PPTC7: variants seen among roughly 807,000 people sequenced by gnomAD.
The protein encoded by PPTC7 is protein phosphatase PTC7 homolog.
In PPTC7, 6 loss-of-function variants were observed where a neutral mutation model predicts 30.8. The ratio of observed to expected loss-of-function variants is 0.19; its 90% CI spans 0.11 to 0.38. PPTC7 has a LOEUF of 0.38. PPTC7 is among the 10% of genes least tolerant of loss of function. PPTC7 has a pLI of 1.00. For missense variants in PPTC7, 218 were observed against 404.8 expected, an observed-to-expected ratio of 0.54 and a Z score of 3.96; for synonymous variants, 163 against 168.1, an observed-to-expected ratio of 0.97 and a Z score of 0.23.
In PPTC7 at chr12:110,534,424, AT is replaced by A. The variant is rs1256461895; in HGVS notation, c.*2612del. On this transcript the variant is annotated 3_prime_UTR_variant, in exon 6 of 6. Transcript: ENST00000354300. ...TGTGTGTGTGTGTGTGTTGCTTAAA[AT>A]ATAATTAACACACACATCAGGTTCA... The A allele has an allele frequency of 6.6e-6, 1 of 151,976 alleles. No individual in the cohort carries two copies. The highest frequency in any genetic ancestry group is 1.5e-5 in the Non-Finnish European group (1 of 67,978). 9.4% of individuals were successfully genotyped at this position (151,976 alleles called of 1,614,324 possible).
intron 1 of PPTC7, among the ~76,000 whole-genome samples, chr12:110,572,938 G>A (rs947664626): frequency 6.6e-6 from 1 of 152,086 alleles, no homozygotes; most frequent in Non-Finnish European, 1.5e-5. Flanking sequence ...GGAGTGCAGT[G>A]GCATGATCTC....
chr12:110,542,280 G>A (rs543462342), intron 3 of PPTC7, among the ~76,000 whole-genome samples: 53 of 151,884 alleles, frequency 3.5e-4, no homozygotes, highest in African/African-American at 1.1e-3. Context: ...ACGGTGTGTC[G>A]TATGTGCAAC....
At chr12:110,545,807 C>T in intron 3 of PPTC7, 73 bp downstream of exon 3, 1 of 1,385,660 alleles carries the variant, frequency 7.2e-7, no homozygotes, top group Non-Finnish European at 1.0e-6. Context: ...CCTCACTGCA[C>T]TCAAGGGGGA....
chr12:110,569,552 C>T (rs1306445174), intron 1 of PPTC7, among the ~76,000 whole-genome samples: 1 of 152,004 alleles, frequency 6.6e-6, no homozygotes, highest in African/African-American at 2.4e-5. Flanking sequence ...GTCCCTTTCT[C>T]GGATCCAAGA....
chr12:110,539,534 A>C (rs925383792), intron 4 of PPTC7, among the ~76,000 whole-genome samples: 4 of 152,322 alleles, frequency 2.6e-5, no homozygotes, highest in Admixed American at 2.0e-4. Context: ...GAAGAATAAA[A>C]GGAGAAACAA....
chr12:110,544,364 A>C (rs563877225), intron 3 of PPTC7, among the ~76,000 whole-genome samples: 107 of 152,312 alleles, frequency 7.0e-4, no homozygotes, highest in Non-Finnish European at 1.3e-3. Context: ...TACTTGCTAG[A>C]ATGCTTCTAT....
intron 1 of PPTC7, among the ~76,000 whole-genome samples, chr12:110,568,460 G>C (rs1243124712): frequency 6.6e-6 from 1 of 152,030 alleles, no homozygotes; most frequent in African/African-American, 2.4e-5. Context: ...CACCATGTTA[G>C]CCAGGATGGT....
chr12:110,559,731 A>T (rs1444676685), intron 1 of PPTC7, among the ~76,000 whole-genome samples: 1 of 131,754 alleles, frequency 7.6e-6, no homozygotes, highest in Admixed American at 7.6e-5. Flanking sequence ...GCCTCAGGGG[A>T]AAAAAAAAAA....
At chr12:110,578,802 G>A (rs1363725640) in intron 1 of PPTC7, among the ~76,000 whole-genome samples, 1 of 152,148 alleles carries the variant, frequency 6.6e-6, no homozygotes, top group Non-Finnish European at 1.5e-5. Flanking sequence ...TGTAATTCAG[G>A]TTGTAACTCC....
chr12:110,564,228 G>A (rs2064461564), intron 1 of PPTC7, among the ~76,000 whole-genome samples: 1 of 152,166 alleles, frequency 6.6e-6, no homozygotes, highest in Non-Finnish European at 1.5e-5. Context: ...CAAATCATCT[G>A]GGAGGTCATA....
Position 110,534,708 on chromosome 12 carries a change from C to G in PPTC7, c.*2329G>C, listed in dbSNP as rs1369598023. 4 of 151,974 alleles carry G rather than the reference C, an allele frequency of 2.6e-5. No homozygotes were observed. The East Asian group carries it at 7.7e-4, about 29-fold the overall frequency. The allele number at this position is 151,974 out of a possible 1,614,324, so 9.4% of individuals were successfully genotyped here. On this transcript the variant is annotated 3_prime_UTR_variant, in exon 6 of 6. Coordinates refer to ENST00000354300, the MANE Select transcript of PPTC7 (RefSeq NM_139283.2). ...ATCCAAAGCCAATTCCACTGTGAAACTCAATTCTTGCCCCCACTACTTTCA... is the reference window on the plus strand; with the variant it reads ...ATCCAAAGCCAATTCCACTGTGAAAGTCAATTCTTGCCCCCACTACTTTCA...
In PPTC7 at chr12:110,533,743, G is replaced by A. The variant is rs2064193012; in HGVS notation, c.*3294C>T. 6.6e-6 allele frequency: 1 copy of A among 152,166 alleles called. No homozygotes were observed. The highest frequency in any genetic ancestry group is 2.4e-5 in the African/African-American group (1 of 41,424). 9.4% of individuals were successfully genotyped at this position (152,166 alleles called of 1,614,324 possible). A position where few individuals can be genotyped will look rare whatever the true frequency, so the allele number is the denominator to read the frequency against. On this transcript the variant is annotated 3_prime_UTR_variant, in exon 6 of 6. Transcript: ENST00000354300. The stretch of plus-strand genomic sequence containing the variant: ...CAAAGTACAAACGTTTACAATTCGA[G>A]CCAATCTTGTTTACATTCTCTCAAA...
In PPTC7 at chr12:110,536,925, T is replaced by C; in HGVS notation, c.*112A>G. 2.6e-6 allele frequency: 2 copies of C among 767,554 alleles called. No homozygotes were observed. Among genetic ancestry groups the C allele is most frequent in the South Asian group, 3.3e-5 (2 of 61,366 alleles). The allele number at this position is 767,554 out of a possible 1,614,324, so 47.5% of individuals were successfully genotyped here. ...CAAGAAGACAGGCAAAAGACTTACA[T>C]CACTGGCCATTGAGATCAGTGGCAA... is the stretch of plus-strand genomic sequence containing the variant. On this transcript the variant is annotated 3_prime_UTR_variant, in exon 6 of 6. Transcript: ENST00000354300.
intron 1 of PPTC7, among the ~76,000 whole-genome samples, chr12:110,571,444 A>G (rs1041340303): frequency 6.6e-6 from 1 of 151,970 alleles, no homozygotes; most frequent in Non-Finnish European, 1.5e-5. Flanking sequence ...AAACAGAAGA[A>G]GATAGCATTT....
At chr12:110,542,757 T>C (rs1593144573) in intron 3 of PPTC7, among the ~76,000 whole-genome samples, 1 of 146,600 alleles carries the variant, frequency 6.8e-6, no homozygotes, top group Non-Finnish European at 1.5e-5. Context: ...AATATGTGGC[T>C]AAGGGCAGGA....
chr12:110,562,263 G>A (rs2064444209), intron 1 of PPTC7, among the ~76,000 whole-genome samples: 2 of 128,368 alleles, frequency 1.6e-5, no homozygotes, highest in African/African-American at 3.2e-5. Flanking sequence ...CTCCAGCCTG[G>A]GCAACAGATT....
intron 1 of PPTC7, among the ~76,000 whole-genome samples, chr12:110,578,298 G>A (rs540383700): frequency 3.3e-5 from 5 of 152,302 alleles, no homozygotes; most frequent in Non-Finnish European, 4.4e-5. Flanking sequence ...GCCATGCCAC[G>A]TAGAGTAATA....
At position 110,583,023 on chromosome 12, in the gene PPTC7, C is replaced by T; in HGVS notation, c.9G>A (p.Ser3=). The part of the protein sequence containing the change: MF[S]VLSYGRLVAR... ...CCACCAGCCGCCCGTACGAGAGGAC[C>T]GAGAACATCGCCGCCGCCGCCCCCC... The change falls in exon 1 of 6, where the codon TCG becomes TCA. Residue 3 remains serine (S), a synonymous_variant. Coordinates refer to ENST00000354300, the MANE Select transcript of PPTC7 (RefSeq NM_139283.2). The T allele has an allele frequency of 7.0e-7, 1 of 1,421,764 alleles. No homozygotes were observed. The highest frequency in any genetic ancestry group is 1.5e-5 in the South Asian group (1 of 66,546). The allele number at this position is 1,421,764 out of a possible 1,614,324, so 88.1% of individuals were successfully genotyped here.
chr12:110,553,751 C>T (rs1051833046), intron 1 of PPTC7, among the ~76,000 whole-genome samples: 12 of 152,048 alleles, frequency 7.9e-5, no homozygotes, highest in Non-Finnish European at 1.0e-4. Context: ...TGCACTCCAG[C>T]GTGGGTGGAT....
Sources: allele counts gnomAD v4.1 joint callset (sites outside exome capture counted in the v4.1 genomes callset), GRCh38; gene constraint gnomAD v4.1.1; transcripts MANE v1.5; gene names NCBI Gene and HGNC (gene_info 2026-07-23, HGNC 2026-07-21).